Variants in CFAP299 observed in about 807,000 individuals in gnomAD.
CFAP299 encodes cilia- and flagella-associated protein 299.
In CFAP299, 21 loss-of-function variants were observed where a neutral mutation model predicts 27.0. The observed-to-expected ratio is 0.78, with a 90% CI of 0.55 to 1.12. CFAP299 has a LOEUF of 1.12. Among genes scored for constraint, CFAP299 ranks in the 50% most tolerant of loss-of-function variants. CFAP299 has a pLI of 0.00. For missense variants in CFAP299, 310 were observed against 276.6 expected (o/e 1.12, Z -0.86); for synonymous variants, 104 against 98.1 (o/e 1.06, Z -0.36).
At chr4:80,864,337 G>A (rs990353475) in intron 3 of CFAP299, among the ~76,000 whole-genome samples, 1 of 149,834 alleles carries the variant, frequency 6.7e-6, no homozygotes, top group African/African-American at 2.4e-5. Context: ...GGGCTCTTTT[G>A]ACCTATTTGC....
intron 2 of CFAP299, among the ~76,000 whole-genome samples, chr4:80,414,272 G>A (rs1326317019): frequency 3.3e-5 from 5 of 151,092 alleles, no homozygotes; most frequent in Admixed American, 6.6e-5. Flanking sequence ...GGGTTTCACC[G>A]TTTTAGCCAG....
intron 3 of CFAP299, among the ~76,000 whole-genome samples, chr4:80,614,186 A>G (rs760488267): frequency 2.0e-5 from 3 of 152,194 alleles, no homozygotes; most frequent in African/African-American, 4.8e-5. Context: ...TTTGCACTGA[A>G]ATAATGCTAT....
chr4:80,358,468 G>T (rs1723380739), intron 1 of CFAP299, among the ~76,000 whole-genome samples: 1 of 152,116 alleles, frequency 6.6e-6, no homozygotes, highest in African/African-American at 2.4e-5. Context: ...GGGAGTCTAA[G>T]TCTCTTTGAA....
rs1407720614 is a variant in CFAP299, at chr4:80,696,735, G to A, written c.333+113552G>A. 2.0e-5 allele frequency among the ~76,000 whole-genome samples: 3 copies of A among 152,108 alleles called. No homozygotes were observed. In the East Asian group the frequency reaches 5.8e-4, roughly 29 times the overall value. ...GGCTCCTCTGAGACAGTGACATTGA[G>A]GTGAAGTCTGAATGGCTACAAGAAC... is the stretch of plus-strand genomic sequence containing the variant. On this transcript the variant is annotated intron_variant, in intron 3 of 5. Coordinates refer to ENST00000358105, the MANE Select transcript of CFAP299 (RefSeq NM_152770.3).
intron 3 of CFAP299, among the ~76,000 whole-genome samples, chr4:80,782,654 A>G: frequency 2.4e-5 from 3 of 125,932 alleles, no homozygotes; most frequent in African/African-American, 5.9e-5. Flanking sequence ...ATATGAATAT[A>G]TAATATATTC....
intron 3 of CFAP299, among the ~76,000 whole-genome samples, chr4:80,625,094 C>A (rs1196778187): frequency 3.3e-5 from 5 of 152,070 alleles, no homozygotes; most frequent in African/African-American, 9.7e-5. Flanking sequence ...ATTCAAAACA[C>A]TCTGATACTG....
At chr4:80,672,230 T>C (rs907509146) in intron 3 of CFAP299, among the ~76,000 whole-genome samples, 1 of 152,248 alleles carries the variant, frequency 6.6e-6, no homozygotes, top group Admixed American at 6.5e-5. Context: ...TTGAATTTTA[T>C]CGAAGGTCTT....
chr4:80,732,301 C>T (rs1042498132), intron 3 of CFAP299, among the ~76,000 whole-genome samples: 4 of 6,742 alleles, frequency 5.9e-4, no homozygotes, highest in African/African-American at 7.4e-4. Flanking sequence ...CTACGAGTTT[C>T]TGCTTACTTT....
intron 4 of CFAP299, among the ~76,000 whole-genome samples, chr4:80,887,532 A>G (rs1734032515): frequency 6.6e-6 from 1 of 152,186 alleles, no homozygotes; most frequent in African/African-American, 2.4e-5. Flanking sequence ...GAAAAACAAA[A>G]GCTGAGGGAT....
intron 2 of CFAP299, among the ~76,000 whole-genome samples, chr4:80,377,308 G>A (rs947763409): frequency 6.6e-6 from 1 of 151,990 alleles, no homozygotes. Context: ...AATTTTGTTA[G>A]GTAAGAGGCT....
intron 3 of CFAP299, among the ~76,000 whole-genome samples, chr4:80,688,214 T>C (rs976070986): frequency 4.6e-5 from 7 of 152,356 alleles, no homozygotes; most frequent in Non-Finnish European, 7.3e-5. Flanking sequence ...TGCCTGCCTC[T>C]GTAGGCTCCA....
intron 3 of CFAP299, among the ~76,000 whole-genome samples, chr4:80,793,567 T>G (rs1727692337): frequency 6.6e-6 from 1 of 152,058 alleles, no homozygotes; most frequent in East Asian, 1.9e-4. Context: ...TCATACATAA[T>G]CTTCAAATAA....
chr4:80,702,917 A>C (rs1721594123), intron 3 of CFAP299, among the ~76,000 whole-genome samples: 1 of 151,796 alleles, frequency 6.6e-6, no homozygotes. Flanking sequence ...TTCTGGAAAG[A>C]TATCATGGAA....
chr4:80,460,915 T>C (rs1248391418), intron 2 of CFAP299, among the ~76,000 whole-genome samples: 1 of 152,166 alleles, frequency 6.6e-6, no homozygotes. Context: ...CCTGACAATA[T>C]GTGCCCAAGG....
chr4:80,911,010 C>G (rs560918458), intron 4 of CFAP299, among the ~76,000 whole-genome samples: 1 of 152,044 alleles, frequency 6.6e-6, no homozygotes, highest in South Asian at 2.1e-4. Context: ...TTTTTCTAAT[C>G]TTTGGCTCTC....
intron 3 of CFAP299, among the ~76,000 whole-genome samples, chr4:80,588,427 TG>T (rs1028251784): frequency 2.0e-5 from 3 of 151,150 alleles, no homozygotes; most frequent in Non-Finnish European, 4.4e-5. Context: ...GTTTCAATAA[TG>T]TAATCTTATG....
chr4:80,793,099 A>ATGTGTGTGTG (rs149555055), intron 3 of CFAP299, among the ~76,000 whole-genome samples: 5 of 145,152 alleles, frequency 3.4e-5, no homozygotes, highest in South Asian at 2.2e-4. Context: ...CCTATTAGTT[A>ATGTGTGTGTG]TGTGTGTGTG....
At chr4:80,827,915 C>A (rs879380103) in intron 3 of CFAP299, among the ~76,000 whole-genome samples, 2 of 151,926 alleles carry the variant, frequency 1.3e-5, no homozygotes, top group Non-Finnish European at 2.9e-5. Context: ...ACTGAGCAAT[C>A]TGCAAAGGAA....
chr4:80,864,576 T>C (rs1694309909), intron 3 of CFAP299, among the ~76,000 whole-genome samples: 4 of 149,474 alleles, frequency 2.7e-5, no homozygotes, highest in Admixed American at 1.3e-4. Context: ...AAACGTTTGT[T>C]TCAATTTTAG....
Sources: allele counts gnomAD v4.1 joint callset (sites outside exome capture counted in the v4.1 genomes callset), GRCh38; gene constraint gnomAD v4.1.1; transcripts MANE v1.5; gene names NCBI Gene and HGNC (gene_info 2026-07-23, HGNC 2026-07-21).